Variants in BPTF observed in about 807,000 individuals in gnomAD.
BPTF encodes bromodomain PHD finger transcription factor, also known as nucleosome-remodeling factor subunit BPTF.
Under a neutral mutation model 292.5 loss-of-function variants are expected in BPTF, and 18 were observed. That is an observed-to-expected ratio of 0.06 (90% confidence interval 0.04 to 0.09). BPTF has a LOEUF of 0.09. Ranked by LOEUF, BPTF falls within the 10% of genes least tolerant of loss-of-function variation. The pLI is 1.00. For synonymous variants in BPTF, 1,225 were observed against 1,251.9 expected (o/e 0.98, Z 0.45); for missense variants, 2,726 against 3,498.7 (o/e 0.78, Z 5.57).
intron 2 of BPTF, among the ~76,000 whole-genome samples, chr17:67,861,873 C>G (rs903797295): frequency 3.9e-5 from 6 of 152,312 alleles, no homozygotes; most frequent in African/African-American, 1.4e-4. Context: ...TATGCTACTT[C>G]CTAGGGATTT....
chr17:67,965,855 G>C (rs1250095229), intron 25 of BPTF: 25 of 152,166 alleles, frequency 1.6e-4, no homozygotes, highest in Admixed American at 5.9e-4. Flanking sequence ...TGACGAGTTA[G>C]AGACCAACCT....
chr17:67,964,472 G>A, intron 25 of BPTF, 68 bp downstream of exon 25: 2 of 1,488,850 alleles, frequency 1.3e-6, no homozygotes, highest in Non-Finnish European at 9.1e-7. Context: ...GCATTTCTAG[G>A]ATTTCAAGTT....
chr17:67,964,065 C>T lies in BPTF; in HGVS notation c.8262-147C>T, dbSNP rs548042168. 2.8e-5 allele frequency: 23 copies of T among 810,064 alleles called. No individual in the cohort carries two copies. In the South Asian group the frequency reaches 3.6e-4, roughly 13 times the overall value. The allele number at this position is 810,064 out of a possible 1,614,324, so 50.2% of individuals were successfully genotyped here. ...ACATCAAAAATACTAAATTAATGAA[C>T]TGGAATGTCAATCTTGAAAGTATTA... On this transcript the variant is annotated intron_variant, in intron 24 of 27. Coordinates refer to ENST00000306378, the MANE Select transcript of BPTF (RefSeq NM_182641.4).
At chr17:67,939,816 G>C in intron 18 of BPTF, among the ~76,000 whole-genome samples, 1 of 152,166 alleles carries the variant, frequency 6.6e-6, no homozygotes, top group East Asian at 1.9e-4. Flanking sequence ...GGAGGCAGAG[G>C]TTGCAGTGAG....
At chr17:67,890,609 C>G (rs1387307119) in intron 4 of BPTF, among the ~76,000 whole-genome samples, 2 of 152,140 alleles carry the variant, frequency 1.3e-5, no homozygotes, top group African/African-American at 4.8e-5. Context: ...TCCAAAGGGG[C>G]AACATACTTG....
chr17:67,839,642 T>C (rs1288546250), intron 1 of BPTF, among the ~76,000 whole-genome samples: 2 of 152,222 alleles, frequency 1.3e-5, no homozygotes, highest in Non-Finnish European at 2.9e-5. Flanking sequence ...AGTTTCTTTA[T>C]TGCTGAGTAG....
At chr17:67,972,732 G>T (rs1471523756) in intron 26 of BPTF, among the ~76,000 whole-genome samples, 1 of 151,746 alleles carries the variant, frequency 6.6e-6, no homozygotes, top group Non-Finnish European at 1.5e-5. Flanking sequence ...TACCTTAAGG[G>T]ATACCTAATT....
intron 4 of BPTF, among the ~76,000 whole-genome samples, chr17:67,880,703 C>T (rs1293208765): frequency 6.6e-6 from 1 of 151,956 alleles, no homozygotes; most frequent in Non-Finnish European, 1.5e-5. Context: ...GTAAAGTGGC[C>T]ATAACTCTCT....
At chr17:67,872,562 C>A (rs1289366315) in intron 3 of BPTF, among the ~76,000 whole-genome samples, 1 of 151,874 alleles carries the variant, frequency 6.6e-6, no homozygotes, top group Non-Finnish European at 1.5e-5. Context: ...AAAAATTAGC[C>A]AGGTGTGGTG....
At chr17:67,842,834 A>G (rs1444542379) in intron 1 of BPTF, among the ~76,000 whole-genome samples, 2 of 150,862 alleles carry the variant, frequency 1.3e-5, no homozygotes, top group East Asian at 3.9e-4. Context: ...AAAAAAAAAA[A>G]AAAAAGACAT....
intron 7 of BPTF, among the ~76,000 whole-genome samples, chr17:67,900,884 C>T (rs984658366): frequency 2.0e-5 from 3 of 151,366 alleles, no homozygotes; most frequent in Admixed American, 1.3e-4. Context: ...TCTTGCTTGC[C>T]TGTAATGCCA....
At chr17:67,975,736 A>G in intron 26 of BPTF, 36 bp from the exon 27 acceptor site, 1 of 1,561,992 alleles carries the variant, frequency 6.4e-7, no homozygotes, top group African/African-American at 1.4e-5. Flanking sequence ...AAAAACCTTA[A>G]AGCTCTGAAA....
In BPTF at chr17:67,893,470, A is replaced by G. The variant is rs1462193995; in HGVS notation, c.2156A>G (p.Glu719Gly). The G allele has an allele frequency of 6.2e-7, 1 of 1,614,178 alleles. No individual in the cohort carries two copies. The highest frequency in any genetic ancestry group is 8.5e-7 in the Non-Finnish European group (1 of 1,180,002). ...NINNYFKLGQ[E>G]GKYRVYHNQY... ...AACAATTATTTTAAATTGGGTCAAG[A>G]AGGGAAGTATCGCGTCTACCACAAT... Residue 719 changes from glutamate to glycine, a missense_variant, in exon 6 of 28, where the codon GAA becomes GGA. Glu to Gly is a moderately conservative substitution (Grantham distance 98). Around this residue, in one of 22 missense-constraint regions of BPTF, gnomAD observed 63 missense variants for 84.1 expected, o/e 0.75. Transcript: ENST00000306378.
At chr17:67,952,265 C>CT (rs56131244) in intron 23 of BPTF, among the ~76,000 whole-genome samples, 41 of 93,710 alleles carry the variant, frequency 4.4e-4, no homozygotes, top group African/African-American at 1.3e-3. Context: ...TTTTAATAGG[C>CT]TTTTTTTTTT....
intron 23 of BPTF, among the ~76,000 whole-genome samples, chr17:67,950,278 AAAG>A (rs1183471691): frequency 8.6e-5 from 13 of 151,968 alleles, no homozygotes; most frequent in African/African-American, 1.9e-4. Context: ...ACCGCCAAAA[AAAG>A]AAGATGAGAA....
chr17:67,914,631 G>C (rs548773348), intron 11 of BPTF, among the ~76,000 whole-genome samples: 1 of 152,310 alleles, frequency 6.6e-6, no homozygotes, highest in East Asian at 1.9e-4. Flanking sequence ...CCTGGCAGTT[G>C]TGGAGGCCGA....
At chr17:67,956,676 A>C (rs2066972681) in intron 23 of BPTF, 1 of 151,680 alleles carries the variant, frequency 6.6e-6, no homozygotes, top group Non-Finnish European at 1.5e-5. Flanking sequence ...AAAAAAAAAA[A>C]AAAACGGTCA....
intron 4 of BPTF, among the ~76,000 whole-genome samples, chr17:67,882,106 A>G (rs2060465173): frequency 2.0e-5 from 3 of 152,212 alleles, no homozygotes; most frequent in South Asian, 4.1e-4. Flanking sequence ...AAGTGGTAGA[A>G]TTACAGGCGT....
intron 1 of BPTF, among the ~76,000 whole-genome samples, chr17:67,835,663 ATT>A (rs142633440): frequency 7.1e-5 from 10 of 141,216 alleles, no homozygotes; most frequent in Non-Finnish European, 6.2e-5. Flanking sequence ...AGTCCTGGTA[ATT>A]TTTTTTTTTT....
Sources: allele counts gnomAD v4.1 joint callset (sites outside exome capture counted in the v4.1 genomes callset), GRCh38; gene constraint gnomAD v4.1.1; regional missense constraint gnomAD v4.1.1; transcripts MANE v1.5; gene names NCBI Gene and HGNC (gene_info 2026-07-23, HGNC 2026-07-21).